The following KLF16 variants were observed in gnomAD, a reference collection of about 807,000 sequenced individuals.
KLF16 encodes the protein Krueppel-like factor 16.
In KLF16, 6 loss-of-function variants were observed where a neutral mutation model predicts 6.1. That is an observed-to-expected ratio of 0.98 (90% CI 0.54 to 1.93). The LOEUF (loss-of-function observed/expected upper bound fraction) is 1.93. Among genes scored for constraint, KLF16 ranks in the 30% most tolerant of loss-of-function variants. The probability of loss-of-function intolerance (pLI) is 0.01; values close to 1 mark genes in which losing one functional copy is unlikely to be tolerated. For missense variants in KLF16, 355 were observed against 363.8 expected (o/e 0.98, Z 0.20); for synonymous variants, 211 against 176.5 (o/e 1.20, Z -1.55).
At chr19:1,870,547 T>C in the KLF16 span, among the ~76,000 whole-genome samples, 3 of 152,072 alleles carry the variant, frequency 2.0e-5, no homozygotes, top group Non-Finnish European at 4.4e-5. Flanking sequence ...CGTGTGCCTG[T>C]CGTCCCAGGT....
At chr19:1,863,894 C>T (rs2012132512), upstream of KLF16, among the ~76,000 whole-genome samples, 1 of 148,608 alleles carries the variant, frequency 6.7e-6, no homozygotes, top group African/African-American at 2.5e-5. Flanking sequence ...CTTCTCCGCG[C>T]TAGGGTGCAA....
upstream of KLF16, chr19:1,863,587 G>A: frequency 1.8e-6 from 1 of 552,540 alleles, no homozygotes. Flanking sequence ...AGTGCGGGAG[G>A]CGGAGGAGGA....
upstream of KLF16, among the ~76,000 whole-genome samples, chr19:1,868,158 C>A (rs2012217365): frequency 6.6e-6 from 1 of 152,090 alleles, no homozygotes; most frequent in Admixed American, 6.6e-5. Context: ...CATTTTTAGG[C>A]TTTTCTGTAT....
chr19:1,876,077 G>C, the KLF16 span: 2 of 152,358 alleles, frequency 1.3e-5, no homozygotes, highest in Non-Finnish European at 2.9e-5. Flanking sequence ...AGCCGGACCG[G>C]TACCTGGCTG....
chr19:1,864,135 G>A (rs2012140694), upstream of KLF16, among the ~76,000 whole-genome samples: 1 of 146,152 alleles, frequency 6.8e-6, no homozygotes, highest in African/African-American at 2.5e-5. Flanking sequence ...GCGCGCGGCC[G>A]GCGGGAGCCC....
chr19:1,858,805 T>C (rs771459661), intron 1 of KLF16, among the ~76,000 whole-genome samples: 8 of 152,114 alleles, frequency 5.3e-5, no homozygotes, highest in East Asian at 1.9e-4. Context: ...TCAAGGACCC[T>C]GGTGCCTGTG....
chr19:1,854,473 G>C lies in KLF16; in HGVS notation c.745C>G (p.Pro249Ala). 1 of 1,419,214 alleles carries C rather than the reference G, an allele frequency of 7.0e-7. No homozygotes were observed. Among genetic ancestry groups the C allele is most frequent in the Non-Finnish European group, 9.1e-7 (1 of 1,099,156 alleles). 87.9% of individuals were successfully genotyped at this position (1,419,214 alleles called of 1,614,324 possible). The stretch of plus-strand genomic sequence containing the variant: ...GCACGAGGGCCCTACAGGCCTGCGG[G>C]GGCTGGGCTGGGCGCGGGGCTGGGC... ...PAPSPAPSPA[P>A]AGL Residue 249 changes from proline (P) to alanine (A), a missense_variant, in exon 2 of 2, where the codon CCC (proline) becomes GCC (alanine). By Grantham distance (27) the Pro-to-Ala change is conservative (BLOSUM62 -1). Transcript: ENST00000250916.
the KLF16 span, among the ~76,000 whole-genome samples, chr19:1,871,466 C>T: frequency 6.6e-6 from 1 of 152,184 alleles, no homozygotes; most frequent in African/African-American, 2.4e-5. Context: ...CAACAAAACC[C>T]TAAAGTCCCC....
rs1162093528 is a variant in KLF16, at chr19:1,854,409, C to T, written c.*50G>A. 6 of 1,387,104 alleles carry T rather than the reference C, an allele frequency of 4.3e-6. No homozygotes were observed. The African/African-American group carries it at 9.2e-5, about 21-fold the overall frequency. The allele number at this position is 1,387,104 out of a possible 1,614,324, so 85.9% of individuals were successfully genotyped here. ...GGCTCCCCGTGGGTCCTCACTACACCCCTGGATGGCAGAAGCATCCTGGCG... is the reference window on the plus strand; with the variant it reads ...GGCTCCCCGTGGGTCCTCACTACACTCCTGGATGGCAGAAGCATCCTGGCG... On this transcript the variant is annotated 3_prime_UTR_variant, in exon 2 of 2. Transcript: ENST00000250916.
rs1201200795 is a variant in KLF16, at chr19:1,854,543, G to A, written c.675C>T (p.Thr225=). 1 of 1,549,470 alleles carries A rather than the reference G, an allele frequency of 6.5e-7. No individual in the cohort carries two copies. The highest frequency in any genetic ancestry group is 8.6e-7 in the Non-Finnish European group (1 of 1,156,116). The change falls in exon 2 of 2, where the codon ACC becomes ACT. Residue 225 remains threonine, a synonymous_variant. Transcript: ENST00000250916. ...DLLRRPGARS[T]SPSDSLPCSL... The stretch of plus-strand genomic sequence containing the variant: ...TGCAGGGCAGCGAGTCGCTGGGGGA[G>A]GTACTGCGGGCACCAGGGCGCCGGA...
chr19:1,862,996 T>C, intron 1 of KLF16, 45 bp downstream of exon 1: 1 of 1,202,160 alleles, frequency 8.3e-7, no homozygotes, highest in South Asian at 2.1e-5. Flanking sequence ...GGGAGGGGTC[T>C]CAGGCGGCCG....
upstream of KLF16, among the ~76,000 whole-genome samples, chr19:1,867,921 T>A (rs543310470): frequency 1.0e-3 from 130 of 129,528 alleles, no homozygotes; most frequent in African/African-American, 3.8e-3. Context: ...GGGTAATATG[T>A]AAGGACGTGT....
chr19:1,871,352 G>C, the KLF16 span, among the ~76,000 whole-genome samples: 2 of 152,170 alleles, frequency 1.3e-5, no homozygotes, highest in Non-Finnish European at 2.9e-5. Context: ...TGGACGGGCT[G>C]CGGAGGTGGC....
upstream of KLF16, among the ~76,000 whole-genome samples, chr19:1,867,896 A>T (rs924247988): frequency 2.7e-5 from 4 of 150,898 alleles, no homozygotes; most frequent in African/African-American, 9.8e-5. Context: ...AATAACAAAG[A>T]TGCAGCAGAA....
At chr19:1,864,285 C>G (rs1018301894), upstream of KLF16, among the ~76,000 whole-genome samples, 2 of 151,828 alleles carry the variant, frequency 1.3e-5, no homozygotes, top group Non-Finnish European at 2.9e-5. Context: ...CGCGACCCTT[C>G]CCCCCTCTTC....
At chr19:1,858,905 G>A (rs931971883) in intron 1 of KLF16, among the ~76,000 whole-genome samples, 4 of 151,866 alleles carry the variant, frequency 2.6e-5, no homozygotes, top group Admixed American at 6.6e-5. Flanking sequence ...CCTCCCCACC[G>A]ATCTGGGCTG....
chr19:1,865,119 C>T (rs2012165557), upstream of KLF16, among the ~76,000 whole-genome samples: 1 of 152,220 alleles, frequency 6.6e-6, no homozygotes. Context: ...CTGAGCCCTC[C>T]CTGGGCCCCA....
intron 1 of KLF16, among the ~76,000 whole-genome samples, chr19:1,859,204 G>A (rs1248808493): frequency 1.3e-5 from 2 of 152,082 alleles, no homozygotes; most frequent in African/African-American, 4.8e-5. Flanking sequence ...TTCTGCCTGG[G>A]GGTGGAGGAG....
intron 1 of KLF16, among the ~76,000 whole-genome samples, chr19:1,858,246 G>A (rs1238481395): frequency 6.6e-6 from 1 of 152,136 alleles, no homozygotes; most frequent in Non-Finnish European, 1.5e-5. Flanking sequence ...GACTAGTGCA[G>A]TAGTCCAGCA....
Sources: gnomAD v4.1 joint callset for allele counts (sites outside exome capture counted in the v4.1 genomes callset) on GRCh38, gnomAD v4.1.1 for gene constraint, MANE v1.5 for transcripts, NCBI Gene and HGNC (gene_info 2026-07-23, HGNC 2026-07-21) for gene names.